Variants in LAMC1 observed in about 807,000 individuals in gnomAD.
LAMC1 encodes laminin subunit gamma 1, also known as laminin subunit gamma-1.
A neutral mutation model predicts 173.6 loss-of-function variants in LAMC1; 38 were observed. The observed-to-expected ratio is 0.22, with a 90% CI of 0.17 to 0.29. LAMC1 has a LOEUF of 0.29. LAMC1 is among the 10% of genes least tolerant of loss of function. The pLI is 1.00. For missense variants in LAMC1, 1,824 were observed against 2,051.8 expected, an observed-to-expected ratio of 0.89 and a Z score of 2.14; for synonymous variants, 746 against 749.1, an observed-to-expected ratio of 1.00 and a Z score of 0.07.
intron 1 of LAMC1, among the ~76,000 whole-genome samples, chr1:183,050,922 A>G (rs953995574): frequency 4.6e-5 from 7 of 151,368 alleles, no homozygotes; most frequent in Non-Finnish European, 8.8e-5. Context: ...GAATTACTGA[A>G]TTAAAAGACG....
In LAMC1 at chr1:183,024,152, C is replaced by G. The variant is rs762094008; in HGVS notation, c.418+18C>G. 8 of 1,533,394 alleles carry G rather than the reference C, an allele frequency of 5.2e-6. No individual in the cohort carries two copies. Among genetic ancestry groups the G allele is most frequent in the Non-Finnish European group, 7.0e-6 (8 of 1,136,294 alleles). The allele number at this position is 1,533,394 out of a possible 1,614,324, so 95.0% of individuals were successfully genotyped here. On this transcript the variant is annotated intron_variant, in intron 1 of 27. Coordinates refer to ENST00000258341, the MANE Select transcript of LAMC1 (RefSeq NM_002293.4). ...GCACCTGGGTAAGCGGTGACAGCCCCGTCCCCTGCTACTGCTCGCCAGCAG... is the reference window on the plus strand; with the variant it reads ...GCACCTGGGTAAGCGGTGACAGCCCGGTCCCCTGCTACTGCTCGCCAGCAG...
chr1:183,130,632 T>G, intron 19 of LAMC1, 83 bp downstream of exon 19: 4 of 1,048,854 alleles, frequency 3.8e-6, no homozygotes. Flanking sequence ...GTGGAGTGCT[T>G]CTTCAACTAA....
chr1:183,099,922 GTCCTGCCCACGCTTC>G (rs1399357621), intron 1 of LAMC1, among the ~76,000 whole-genome samples: 1 of 152,106 alleles, frequency 6.6e-6, no homozygotes, highest in Non-Finnish European at 1.5e-5. Context: ...CCTGCCTCCA[GTCCTGCCCACGCTTC>G]TCTGTTCTCT....
chr1:183,120,044 C>G (rs1047026040), intron 11 of LAMC1, among the ~76,000 whole-genome samples: 1 of 151,734 alleles, frequency 6.6e-6, no homozygotes, highest in Non-Finnish European at 1.5e-5. Flanking sequence ...TGGCACACAC[C>G]TGTGGTCCTA....
chr1:183,132,313 T>C, intron 20 of LAMC1, 87 bp from the exon 21 acceptor site: 1 of 803,132 alleles, frequency 1.2e-6, no homozygotes, highest in Non-Finnish European at 1.9e-6. Flanking sequence ...ATAATAATAA[T>C]AATAATAAAG....
rs373451718 is a variant in LAMC1, at chr1:183,136,405, C to G, written c.4134C>G (p.Asn1378Lys). Reference protein sequence around the residue: ...NNLKDFDRRVNDNKTAAEEAL... With the variant: ...NNLKDFDRRVKDNKTAAEEAL... ...TTTCAGATTTTGATAGGCGTGTGAACGATAACAAGACGGCCGCAGAGGAGG... is the reference window on the plus strand; with the variant it reads ...TTTCAGATTTTGATAGGCGTGTGAAGGATAACAAGACGGCCGCAGAGGAGG... Residue 1378 changes from asparagine to lysine, a missense_variant, in exon 25 of 28, where the codon AAC (asparagine) becomes AAG (lysine). Physicochemically the swap from Asn to Lys is moderately conservative, Grantham distance 94. Coordinates refer to ENST00000258341, the MANE Select transcript of LAMC1 (RefSeq NM_002293.4). 3.7e-6 allele frequency: 6 copies of G among 1,614,084 alleles called. No homozygotes were observed. Among genetic ancestry groups the G allele is most frequent in the Non-Finnish European group, 5.1e-6 (6 of 1,179,988 alleles).
In LAMC1 at chr1:183,127,229, G is replaced by A. The variant is rs1334353594; in HGVS notation, c.2948G>A (p.Cys983Tyr). 6.2e-7 allele frequency: 1 copy of A among 1,613,734 alleles called. No homozygotes were observed. The change falls in exon 17 of 28, where the codon TGT becomes TAT. Residue 983 changes from cysteine to tyrosine, a missense_variant. Physicochemically the swap from Cys to Tyr is radical, Grantham distance 194. Transcript: ENST00000258341. ...FGFGPEGCKP[C>Y]DCHPEGSLSL... ...TTATTTTCTCCTTATTCTGCAGCCTGTGACTGTCATCCTGAGGGATCTCTT... is the reference window on the plus strand; with the variant it reads ...TTATTTTCTCCTTATTCTGCAGCCTATGACTGTCATCCTGAGGGATCTCTT...
At chr1:183,130,676 A>C in intron 19 of LAMC1, 127 bp downstream of exon 19, 1 of 715,828 alleles carries the variant, frequency 1.4e-6, no homozygotes, top group Non-Finnish European at 2.3e-6. Flanking sequence ...TTGTCCCTAA[A>C]TATGGGGCAG....
chr1:183,037,744 T>G (rs138926101), intron 1 of LAMC1, among the ~76,000 whole-genome samples: 2 of 152,210 alleles, frequency 1.3e-5, no homozygotes, highest in African/African-American at 4.8e-5. Context: ...ATACCTTAAT[T>G]TTTTTTGGCT....
chr1:183,133,531 T>C lies in LAMC1; in HGVS notation c.3830T>C (p.Leu1277Ser). Residue 1277 changes from leucine to serine, a missense_variant, in exon 22 of 28, where the codon TTG becomes TCG. Leu to Ser is a moderately radical substitution (Grantham distance 145, BLOSUM62 -2). Coordinates refer to ENST00000258341, the MANE Select transcript of LAMC1 (RefSeq NM_002293.4). ...GCCAGCGTGGCTCAGCTGAGCCCTT[T>C]GGACTCTGAGACACTGGAGGTATGG... ...IYASVAQLSP[L>S]DSETLENEAN... The C allele has an allele frequency of 1.2e-6, 2 of 1,613,074 alleles. No homozygotes were observed. The highest frequency in any genetic ancestry group is 2.2e-5 in the South Asian group (2 of 90,954).
chr1:183,068,242 T>TG (rs1302764165), intron 1 of LAMC1, among the ~76,000 whole-genome samples: 10 of 152,016 alleles, frequency 6.6e-5, no homozygotes, highest in East Asian at 3.9e-4. Context: ...TTGTTTTTTT[T>TG]TGTGTGTGTA....
At position 183,127,345 on chromosome 1, in the gene LAMC1, A is replaced by C. The variant is rs1399606000; in HGVS notation, c.3064A>C (p.Asn1022His). The part of the protein sequence containing the change: ...CDQCEENYFY[N>H]RSWPGCQECP... Reference sequence around the variant, plus strand: ...CCAGTGTGAAGAAAACTATTTCTACAATCGGTCTTGGCCTGGCTGCCAGGA... The same window carrying C: ...CCAGTGTGAAGAAAACTATTTCTACCATCGGTCTTGGCCTGGCTGCCAGGA... The change falls in exon 17 of 28, where the codon AAT (asparagine) becomes CAT (histidine). Residue 1022 changes from asparagine to histidine, a missense_variant. Physicochemically the swap from Asn to His is moderately conservative, Grantham distance 68 (BLOSUM62 1). Coordinates refer to ENST00000258341, the MANE Select transcript of LAMC1 (RefSeq NM_002293.4). 6.2e-7 allele frequency: 1 copy of C among 1,614,180 alleles called. No individual in the cohort carries two copies. The highest frequency in any genetic ancestry group is 8.5e-7 in the Non-Finnish European group (1 of 1,180,020).
chr1:183,073,344 C>G (rs1250209705), intron 1 of LAMC1, among the ~76,000 whole-genome samples: 2 of 152,092 alleles, frequency 1.3e-5, no homozygotes, highest in Admixed American at 1.3e-4. Context: ...AGAAGTAAGC[C>G]TTAAATGCCT....
chr1:183,112,414 T>A (rs1262786862), intron 4 of LAMC1, among the ~76,000 whole-genome samples: 1 of 152,162 alleles, frequency 6.6e-6, no homozygotes, highest in Non-Finnish European at 1.5e-5. Flanking sequence ...CATTGCCAAT[T>A]CACCTCTAGC....
intron 1 of LAMC1, among the ~76,000 whole-genome samples, chr1:183,069,946 A>C (rs1167422337): frequency 6.6e-6 from 1 of 152,244 alleles, no homozygotes; most frequent in Non-Finnish European, 1.5e-5. Flanking sequence ...AAAGGCACCA[A>C]GCCTGAAAAA....
chr1:183,036,733 C>T (rs1048400312), intron 1 of LAMC1, among the ~76,000 whole-genome samples: 2 of 151,860 alleles, frequency 1.3e-5, no homozygotes, highest in Non-Finnish European at 1.5e-5. Flanking sequence ...AAACACATTA[C>T]GCTTATTTGT....
intron 1 of LAMC1, among the ~76,000 whole-genome samples, chr1:183,086,519 T>A (rs78684884): frequency 1.4e-5 from 1 of 69,864 alleles, no homozygotes; most frequent in Non-Finnish European, 4.1e-5. Flanking sequence ...TGCTGGATTG[T>A]TTGTTTGGAG....
intron 1 of LAMC1, among the ~76,000 whole-genome samples, chr1:183,051,743 G>A (rs1654433132): frequency 6.6e-6 from 1 of 152,178 alleles, no homozygotes. Context: ...GCTTTAACTA[G>A]AGAGCCATGG....
At chr1:183,096,771 A>G (rs986846844) in intron 1 of LAMC1, among the ~76,000 whole-genome samples, 2 of 152,062 alleles carry the variant, frequency 1.3e-5, no homozygotes, top group African/African-American at 4.8e-5. Context: ...CATTTGACCG[A>G]TTGACAAGGG....
Sources: gnomAD v4.1 joint callset for allele counts (sites outside exome capture counted in the v4.1 genomes callset) on GRCh38, gnomAD v4.1.1 for gene constraint, MANE v1.5 for transcripts, NCBI Gene and HGNC (gene_info 2026-07-23, HGNC 2026-07-21) for gene names.